The following STRBP variants were observed in gnomAD, a reference collection of about 807,000 sequenced individuals.
The protein encoded by STRBP is spermatid perinuclear RNA binding protein.
STRBP carries 13 observed loss-of-function variants against 80.1 expected under a neutral mutation model. The ratio of observed to expected loss-of-function variants is 0.16; its 90% CI spans 0.11 to 0.26. The LOEUF is 0.26. Ranked by LOEUF, STRBP falls within the 10% of genes least tolerant of loss-of-function variation. STRBP has a pLI of 1.00. For synonymous variants in STRBP, 284 were observed against 291.2 expected (o/e 0.98, Z 0.25); for missense variants, 485 against 815.2 (o/e 0.59, Z 4.93).
chr9:123,116,784 G>A (rs2035652859), downstream of STRBP, among the ~76,000 whole-genome samples: 1 of 152,180 alleles, frequency 6.6e-6, no homozygotes, highest in East Asian at 1.9e-4. Flanking sequence ...CAGACGGGGT[G>A]AGCGCCGCCA....
intron 4 of STRBP, among the ~76,000 whole-genome samples, chr9:123,175,607 TAAC>T (rs2038187677): frequency 6.6e-6 from 1 of 152,210 alleles, no homozygotes; most frequent in Non-Finnish European, 1.5e-5. Flanking sequence ...TGTCTGATAT[TAAC>T]AATAGAGAAT....
chr9:123,260,198 A>G (rs573656506), intron 1 of STRBP, among the ~76,000 whole-genome samples: 43 of 152,302 alleles, frequency 2.8e-4, no homozygotes, highest in East Asian at 9.6e-4. Context: ...GTTGCAGGAG[A>G]GAGAGAGACA....
intron 1 of STRBP, among the ~76,000 whole-genome samples, chr9:123,251,420 A>G (rs1195516876): frequency 2.6e-5 from 4 of 152,206 alleles, no homozygotes; most frequent in African/African-American, 9.7e-5. Flanking sequence ...AAGGTCACAC[A>G]GTTAATACAT....
chr9:123,234,996 TGGG>T (rs71390420), intron 2 of STRBP, among the ~76,000 whole-genome samples: 3 of 123,636 alleles, frequency 2.4e-5, no homozygotes, highest in Admixed American at 7.9e-5. Context: ...GCTTTTTTTT[TGGG>T]GGGGGGGGGT....
At chr9:123,177,410 TC>T (rs1459154620) in intron 4 of STRBP, among the ~76,000 whole-genome samples, 1 of 151,900 alleles carries the variant, frequency 6.6e-6, no homozygotes, top group Non-Finnish European at 1.5e-5. Context: ...CAAACGAAAT[TC>T]TTTTTTTTTA....
intron 3 of STRBP, chr9:123,111,407 A>G (rs2035564156): frequency 3.2e-6 from 1 of 311,734 alleles, no homozygotes; most frequent in Admixed American, 5.3e-5. Context: ...ATCCATTTCC[A>G]TGAACAAGGA....
Position 123,126,659 on chromosome 9 carries a change from C to T in STRBP, c.1943-986G>A, listed in dbSNP as rs1021360816. 1.3e-5 allele frequency among the ~76,000 whole-genome samples: 2 copies of T among 152,160 alleles called. No homozygotes were observed. Among genetic ancestry groups the T allele is most frequent in the East Asian group, 1.9e-4 (1 of 5,198 alleles). On this transcript the variant is annotated intron_variant, in intron 18 of 18. Coordinates refer to ENST00000348403, the MANE Select transcript of STRBP (RefSeq NM_018387.5). The surrounding 1 kb of genome is among the most constrained non-coding windows in gnomAD (Gnocchi z 4.4). ...ATTAAAGTATTTTCAAAGGAAAAAT[C>T]GAGCTCTAGCAAACCTTTACTGAAG...
At chr9:123,225,409 TATCTA>T (rs1354021812) in intron 2 of STRBP, among the ~76,000 whole-genome samples, 1 of 152,226 alleles carries the variant, frequency 6.6e-6, no homozygotes. Context: ...GAAATTATTC[TATCTA>T]ATCACAGCCA....
rs141445455 is a variant in STRBP at position 123,256,573 on chromosome 9, T to A, written c.-302+11863A>T. ...TTGTAATATTAAACACTGAAATAAA[T>A]GTGAGCTATATATATATGTAAGAAA... On this transcript the variant is annotated intron_variant, in intron 1 of 18. Transcript: ENST00000348403. 5.3e-5 allele frequency among the ~76,000 whole-genome samples: 8 copies of A among 152,156 alleles called. No homozygotes were observed. The East Asian group carries it at 1.3e-3, about 26-fold the overall frequency.
chr9:123,175,057 C>T (rs1564266390), intron 4 of STRBP, among the ~76,000 whole-genome samples: 1 of 152,146 alleles, frequency 6.6e-6, no homozygotes, highest in East Asian at 1.9e-4. Flanking sequence ...CATCTGAGCA[C>T]AAACAGGTGT....
rs2035740369 is a variant in STRBP at position 123,121,714 on chromosome 9, A to G, written c.*3883T>C. ...CAGATCAGAGACTTTCATTTCTCGGAGAAGTTTTTCTCCTTGAGAAATTGG... is the reference window on the plus strand; with the variant it reads ...CAGATCAGAGACTTTCATTTCTCGGGGAAGTTTTTCTCCTTGAGAAATTGG... On this transcript the variant is annotated 3_prime_UTR_variant, in exon 19 of 19. Transcript: ENST00000348403. 6.7e-6 allele frequency: 1 copy of G among 149,034 alleles called. No homozygotes were observed. The highest frequency in any genetic ancestry group is 6.7e-5 in the Admixed American group (1 of 14,858). 9.2% of individuals were successfully genotyped at this position (149,034 alleles called of 1,614,324 possible).
intron 2 of STRBP, among the ~76,000 whole-genome samples, chr9:123,213,307 C>T (rs983877320): frequency 2.0e-5 from 3 of 152,172 alleles, no homozygotes; most frequent in Non-Finnish European, 4.4e-5. Flanking sequence ...AGAATCCTGA[C>T]AAAATCTCAG....
intron 1 of STRBP, among the ~76,000 whole-genome samples, chr9:123,254,050 C>T (rs1470205627): frequency 2.5e-5 from 3 of 121,976 alleles, no homozygotes; most frequent in South Asian, 3.1e-4. Context: ...TCAGAAGGAA[C>T]GAGGGGGAAA....
chr9:123,210,657 T>G (rs2132532038), intron 2 of STRBP, among the ~76,000 whole-genome samples: 1 of 152,082 alleles, frequency 6.6e-6, no homozygotes, highest in African/African-American at 2.4e-5. Flanking sequence ...TGAAACCCCG[T>G]CTCTACTAAA....
intron 2 of STRBP, among the ~76,000 whole-genome samples, chr9:123,228,377 GGACACGCCA>G (rs1299288760): frequency 4.6e-5 from 7 of 152,092 alleles, no homozygotes; most frequent in Admixed American, 2.0e-4. Context: ...GATCTCCAAT[GGACACGCCA>G]ATTTTTAAAG....
rs2035784358 is a variant in STRBP, at chr9:123,123,068, T to C, written c.*2529A>G. On this transcript the variant is annotated 3_prime_UTR_variant, in exon 19 of 19. Coordinates refer to ENST00000348403, the MANE Select transcript of STRBP (RefSeq NM_018387.5). ...ATAGCCTCAGGGTGTCACATTGCTC[T>C]TAAGACCAAGACATAGAAATTGCCA... 1.0e-6 allele frequency: 1 copy of C among 985,332 alleles called. No homozygotes were observed. Among genetic ancestry groups the C allele is most frequent in the African/African-American group, 1.7e-5 (1 of 57,244 alleles). The allele number at this position is 985,332 out of a possible 1,614,324, so 61.0% of individuals were successfully genotyped here.
At position 123,136,022 on chromosome 9, in the gene STRBP, G is replaced by T. The variant is rs2036340181; in HGVS notation, c.1773+19C>A. ...AACATTTTTCACAGGTTCTGCAAAG[G>T]TTTAATGTTTACTCATACCTGAGGG... On this transcript the variant is annotated intron_variant, in intron 16 of 18. Coordinates refer to ENST00000348403, the MANE Select transcript of STRBP (RefSeq NM_018387.5). The surrounding 1 kb of genome is among the most constrained non-coding windows in gnomAD (Gnocchi z 4.2). 1.2e-6 allele frequency: 2 copies of T among 1,613,600 alleles called. No individual in the cohort carries two copies. Among genetic ancestry groups the T allele is most frequent in the Non-Finnish European group, 1.7e-6 (2 of 1,179,826 alleles).
In STRBP at chr9:123,136,600, G is replaced by C; in HGVS notation, c.1498-85C>G. ...TTATTAATACAATTATGCTAAGAAG[G>C]AGGCTCAAAAATTCTACTTCAAAGC... On this transcript the variant is annotated intron_variant, in intron 14 of 18. Coordinates refer to ENST00000348403, the MANE Select transcript of STRBP (RefSeq NM_018387.5). The surrounding 1 kb of genome is among the most constrained non-coding windows in gnomAD (Gnocchi z 4.2). 1.3e-6 allele frequency: 2 copies of C among 1,488,268 alleles called. No individual in the cohort carries two copies. The highest frequency in any genetic ancestry group is 1.8e-6 in the Non-Finnish European group (2 of 1,116,326). 92.2% of individuals were successfully genotyped at this position (1,488,268 alleles called of 1,614,324 possible). A position where few individuals can be genotyped will look rare whatever the true frequency, so the allele number is the denominator to read the frequency against.
At chr9:123,205,659 T>C (rs1452797743) in intron 2 of STRBP, among the ~76,000 whole-genome samples, 1 of 152,210 alleles carries the variant, frequency 6.6e-6, no homozygotes, top group African/African-American at 2.4e-5. Context: ...ACAAGAAAAT[T>C]ATCTTATACT....
Sources: gnomAD v4.1 joint callset for allele counts (sites outside exome capture counted in the v4.1 genomes callset) on GRCh38, gnomAD v4.1.1 for gene constraint, Gnocchi (gnomAD v3.1) non-coding constraint, MANE v1.5 for transcripts, NCBI Gene and HGNC (gene_info 2026-07-23, HGNC 2026-07-21) for gene names.